The following NCOR1 variants were observed in gnomAD, a reference collection of about 807,000 sequenced individuals.
NCOR1 encodes the protein nuclear receptor corepressor 1.
NCOR1 carries 63 observed loss-of-function variants against 288.1 expected under a neutral mutation model. That is an observed-to-expected ratio of 0.22 (90% confidence interval 0.18 to 0.27). The LOEUF is 0.27. Among genes scored for constraint, NCOR1 ranks in the 10% least tolerant of loss-of-function variants. The pLI, the probability that NCOR1 is intolerant of heterozygous loss-of-function variation, is 1.00. For synonymous variants in NCOR1, 1,007 were observed against 1,065.9 expected (o/e 0.94, Z 1.08); for missense variants, 2,397 against 3,019.2 (o/e 0.79, Z 4.83).
chr17:16,101,046 T>C (rs1475741242), intron 20 of NCOR1, among the ~76,000 whole-genome samples: 2 of 152,212 alleles, frequency 1.3e-5, no homozygotes, highest in African/African-American at 4.8e-5. Context: ...ATAGGAGAAA[T>C]GTATAATCTG....
At chr17:16,170,107 CTGTGTGTGTGTGTG>C (rs61345864) in intron 4 of NCOR1, among the ~76,000 whole-genome samples, 2 of 147,580 alleles carry the variant, frequency 1.4e-5, no homozygotes, top group African/African-American at 5.0e-5. Context: ...TATTTGCTTT[CTGTGTGTGTGTGTG>C]TGTGTGTGTG....
chr17:16,095,116 T>C (rs1421183984), intron 21 of NCOR1, among the ~76,000 whole-genome samples: 3 of 144,218 alleles, frequency 2.1e-5, no homozygotes, highest in Non-Finnish European at 4.5e-5. Flanking sequence ...ACCTGGGAAG[T>C]GAGCAGCGCC....
intron 3 of NCOR1, among the ~76,000 whole-genome samples, chr17:16,175,510 T>C (rs938696244): frequency 6.6e-6 from 1 of 152,184 alleles, no homozygotes; most frequent in Non-Finnish European, 1.5e-5. Flanking sequence ...TAACTATACT[T>C]TATCATTCGA....
At chr17:16,123,395 T>C (rs981620684) in intron 15 of NCOR1, among the ~76,000 whole-genome samples, 6 of 152,196 alleles carry the variant, frequency 3.9e-5, no homozygotes, top group Non-Finnish European at 5.9e-5. Flanking sequence ...ACCCCAATCC[T>C]GGCCTTTCAT....
chr17:16,098,441 C>A lies in NCOR1; in HGVS notation c.2746G>T (p.Val916Phe), dbSNP rs781456795. Residue 916 changes from valine (V) to phenylalanine (F), a missense_variant, in exon 21 of 46, where the codon GTC (valine) becomes TTC (phenylalanine). Physicochemically the swap from Val to Phe is conservative, Grantham distance 50. Transcript: ENST00000268712. Reference sequence around the variant, plus strand: ...GGATTTGGTTTTAACGGAGATGAGACGAGTATAGATCCAGTGGGGTTTAAC... The same window carrying A: ...GGATTTGGTTTTAACGGAGATGAGAAGAGTATAGATCCAGTGGGGTTTAAC... The part of the protein sequence containing the change: ...SLLNPTGSIL[V>F]SSPLKPNPLD... 6.2e-7 allele frequency: 1 copy of A among 1,613,696 alleles called. No homozygotes were observed. The highest frequency in any genetic ancestry group is 8.5e-7 in the Non-Finnish European group (1 of 1,179,786).
intron 4 of NCOR1, among the ~76,000 whole-genome samples, chr17:16,169,251 C>T (rs1276559543): frequency 6.6e-6 from 1 of 151,408 alleles, no homozygotes; most frequent in Non-Finnish European, 1.5e-5. Context: ...AGCCCTGTTC[C>T]ACAAGGAGCA....
At chr17:16,157,518 T>C (rs2080010758) in intron 6 of NCOR1, among the ~76,000 whole-genome samples, 1 of 152,206 alleles carries the variant, frequency 6.6e-6, no homozygotes, top group African/African-American at 2.4e-5. Context: ...TAAATATTTA[T>C]TAATTCACAA....
In NCOR1 at chr17:16,091,874, C is replaced by G; in HGVS notation, c.3005G>C (p.Arg1002Thr). 1.2e-6 allele frequency: 2 copies of G among 1,614,112 alleles called. No homozygotes were observed. Among genetic ancestry groups the G allele is most frequent in the Non-Finnish European group, 1.7e-6 (2 of 1,180,022 alleles). ...SPCGTSKSPN[R>T]EWEVLQPAPH... ...CTCTATCTACCTACCTTCCCACTCT[C>G]TGTTTGGACTCTTGGATGTGCCACA... The change falls in exon 22 of 46, where the codon AGA becomes ACA. Residue 1002 changes from arginine (R) to threonine (T), a missense_variant. Arg to Thr is a moderately conservative substitution (Grantham distance 71). Transcript: ENST00000268712.
chr17:16,044,432 T>C (rs1597760749), intron 42 of NCOR1: 1 of 471,722 alleles, frequency 2.1e-6, no homozygotes. Flanking sequence ...CCCACTTTCC[T>C]TTCTTTTGAC....
intron 5 of NCOR1, among the ~76,000 whole-genome samples, chr17:16,160,659 G>A (rs974228454): frequency 6.6e-6 from 1 of 152,128 alleles, no homozygotes; most frequent in Non-Finnish European, 1.5e-5. Context: ...CGGTGTAGTG[G>A]CGCAAGCCTG....
At position 16,057,608 on chromosome 17, in the gene NCOR1, G is replaced by A. The variant is rs372647037; in HGVS notation, c.6298C>T (p.Arg2100Cys). ...TGAGCCTGGGATTCTGGGCTGTAAC[G>A]GTTTGATGTTTTAGTCCTCACAGGT... ...STPVRTKTSN[R>C]YSPESQAQSV... Residue 2100 changes from arginine to cysteine, a missense_variant, in exon 40 of 46, where the codon CGT (arginine) becomes TGT (cysteine). Transcript: ENST00000268712. The A allele has an allele frequency of 1.9e-5, 31 of 1,613,960 alleles. No individual in the cohort carries two copies. The highest frequency in any genetic ancestry group is 7.7e-5 in the South Asian group (7 of 91,078).
At chr17:16,069,201 G>A (rs1174958044) in intron 31 of NCOR1, among the ~76,000 whole-genome samples, 1 of 152,124 alleles carries the variant, frequency 6.6e-6, no homozygotes, top group Admixed American at 6.6e-5. Flanking sequence ...CCTGCCCAAA[G>A]AAAGAAATCA....
intron 42 of NCOR1, among the ~76,000 whole-genome samples, chr17:16,041,858 C>T (rs1010679625): frequency 8.6e-5 from 13 of 151,962 alleles, no homozygotes; most frequent in Admixed American, 2.6e-4. Context: ...TGCCTCAGCC[C>T]CCCGAGTGGC....
intron 14 of NCOR1, among the ~76,000 whole-genome samples, chr17:16,130,793 C>T (rs953814660): frequency 3.9e-5 from 6 of 152,076 alleles, no homozygotes; most frequent in African/African-American, 1.2e-4. Context: ...AAGCGATCCT[C>T]CCACCTCAGC....
rs951871121 is a variant in NCOR1 at position 16,215,485 on chromosome 17, C to T, written c.-194G>A. 1.5e-5 allele frequency: 6 copies of T among 398,584 alleles called. No individual in the cohort carries two copies. In the Admixed American group the frequency reaches 2.6e-4, roughly 18 times the overall value. The allele number at this position is 398,584 out of a possible 1,614,324, so 24.7% of individuals were successfully genotyped here. On this transcript the variant is annotated 5_prime_UTR_variant, in exon 1 of 46. Coordinates refer to ENST00000268712, the MANE Select transcript of NCOR1 (RefSeq NM_006311.4). ...GCGAGTCGGACGCTCACTCCAGCCG[C>T]CGCCGCCGCCGCGGCTGCTGCTTCG...
chr17:16,094,026 G>T (rs1446156757), intron 21 of NCOR1, among the ~76,000 whole-genome samples: 1 of 151,582 alleles, frequency 6.6e-6, no homozygotes, highest in East Asian at 1.9e-4. Flanking sequence ...TTCCACCTCA[G>T]CCTCCCAACC....
rs2839853 is a variant in NCOR1, at chr17:16,189,464, T to C, written c.109-2777A>G. Among the ~76,000 whole-genome samples, 1,014 of 151,854 alleles carry C rather than the reference T, an allele frequency of 6.7e-3. 12 individuals carry two copies. Among genetic ancestry groups the C allele is most frequent in the African/African-American group, 0.023 (971 of 41,422 alleles). ...CTGAATCACTGAAGGTAAACAATAG[T>C]TGAACACACAGAAGTGAAAAGTAAA... On this transcript the variant is annotated intron_variant, in intron 2 of 45. Transcript: ENST00000268712.
chr17:16,038,627 G>A (rs774427687), intron 44 of NCOR1, among the ~76,000 whole-genome samples: 3 of 151,946 alleles, frequency 2.0e-5, no homozygotes, highest in African/African-American at 7.3e-5. Context: ...TGTAGAGACG[G>A]GGTTTTCATC....
chr17:16,106,437 C>CAA (rs35550102), intron 19 of NCOR1, among the ~76,000 whole-genome samples: 72 of 148,922 alleles, frequency 4.8e-4, no homozygotes, highest in Non-Finnish European at 8.6e-4. Flanking sequence ...CCTAAAAATA[C>CAA]AAAAAAAAAC....
Sources: gnomAD v4.1 joint callset for allele counts (sites outside exome capture counted in the v4.1 genomes callset) on GRCh38, gnomAD v4.1.1 for gene constraint, MANE v1.5 for transcripts, NCBI Gene and HGNC (gene_info 2026-07-23, HGNC 2026-07-21) for gene names.